The following ACP7 variants were observed in gnomAD, a reference collection of about 807,000 sequenced individuals.
The protein encoded by ACP7 is acid phosphatase type 7.
Under a neutral mutation model 60.6 loss-of-function variants are expected in ACP7, and 58 were observed. That is an observed-to-expected ratio of 0.96 (90% CI 0.77 to 1.19). The LOEUF (loss-of-function observed/expected upper bound fraction) is 1.19, where lower values mean the gene tolerates loss of function less well. Among genes scored for constraint, ACP7 ranks in the 50% most tolerant of loss-of-function variants. The pLI, the probability that ACP7 is intolerant of heterozygous loss-of-function variation, is 0.00. For missense variants in ACP7, 574 were observed against 596.2 expected (o/e 0.96, Z 0.39); for synonymous variants, 237 against 232.6 (o/e 1.02, Z -0.17).
chr19:39,092,322 C>T (rs989207704), intron 2 of ACP7, among the ~76,000 whole-genome samples: 6 of 151,624 alleles, frequency 4.0e-5, no homozygotes, highest in Non-Finnish European at 8.8e-5. Context: ...TGCAGTGAGC[C>T]GAAATTGTGC....
At chr19:39,099,476 G>A (rs1246126323) in intron 4 of ACP7, among the ~76,000 whole-genome samples, 2 of 152,190 alleles carry the variant, frequency 1.3e-5, no homozygotes, top group Non-Finnish European at 2.9e-5. Flanking sequence ...CTCGCAGGGT[G>A]CAGGTGCACT....
At chr19:39,085,998 G>A (rs916570537) in intron 2 of ACP7, among the ~76,000 whole-genome samples, 3 of 152,118 alleles carry the variant, frequency 2.0e-5, no homozygotes, top group Non-Finnish European at 2.9e-5. Context: ...ACAACCTCAT[G>A]GTGAGGTGTA....
rs1472871556 is a variant in ACP7, at chr19:39,085,389, A to C, written c.120A>C (p.Pro40=). 6.2e-7 allele frequency: 1 copy of C among 1,606,714 alleles called. No individual in the cohort carries two copies. Among genetic ancestry groups the C allele is most frequent in the Admixed American group, 1.7e-5 (1 of 58,790 alleles). The change falls in exon 2 of 13, where the codon CCA becomes CCC. Residue 40 remains proline, a splice_region_variant and synonymous_variant. Transcript: ENST00000331256. ...CAGAGCAAGTCCATCTGTCTTACCC[A>C]GGTAAGTGTCCCTGACTCATTTCTA... ...AAPEQVHLSY[P]GEPGSMTVTW...
intron 2 of ACP7, among the ~76,000 whole-genome samples, chr19:39,095,668 G>A (rs548689241): frequency 6.6e-6 from 1 of 152,252 alleles, no homozygotes; most frequent in Non-Finnish European, 1.5e-5. Context: ...TGGTAACCCA[G>A]TAGGGACTCT....
chr19:39,106,377 G>A (rs1456662492), intron 11 of ACP7, among the ~76,000 whole-genome samples: 1 of 152,154 alleles, frequency 6.6e-6, no homozygotes, highest in Non-Finnish European at 1.5e-5. Flanking sequence ...TGGGCGTTGG[G>A]ATGGCTTCCA....
At chr19:39,099,172 A>C (rs2073310100) in intron 4 of ACP7, 30 bp downstream of exon 4, 29 of 1,474,544 alleles carry the variant, frequency 2.0e-5, no homozygotes, top group Non-Finnish European at 2.5e-5. Flanking sequence ...GCGCGCAGGG[A>C]CGGTGGGGGG....
At chr19:39,094,406 G>A (rs1439744405) in intron 2 of ACP7, among the ~76,000 whole-genome samples, 5 of 151,908 alleles carry the variant, frequency 3.3e-5, no homozygotes, top group Admixed American at 1.3e-4. Context: ...AGGAGGCTGA[G>A]GCAGGAGAAT....
intron 3 of ACP7, 33 bp downstream of exon 3, chr19:39,098,691 G>A (rs747826696): frequency 1.3e-6 from 2 of 1,581,790 alleles, no homozygotes; most frequent in Admixed American, 1.8e-5. Context: ...CTGTTGAGGA[G>A]GAGTGGGAAG....
At chr19:39,091,926 T>A (rs1164426052) in intron 2 of ACP7, among the ~76,000 whole-genome samples, 3 of 151,362 alleles carry the variant, frequency 2.0e-5, no homozygotes, top group Non-Finnish European at 2.9e-5. Flanking sequence ...AATAAAAAAA[T>A]AAAAAAATTG....
At chr19:39,095,827 A>G (rs2073259078) in intron 2 of ACP7, among the ~76,000 whole-genome samples, 1 of 152,156 alleles carries the variant, frequency 6.6e-6, no homozygotes. Flanking sequence ...CCAATTCTTG[A>G]CTTCTGCGCA....
chr19:39,100,811 C>T lies in ACP7; in HGVS notation c.765C>T (p.His255=), dbSNP rs143559363. 1.2e-4 allele frequency: 187 copies of T among 1,613,920 alleles called. No homozygotes were observed. The highest frequency in any genetic ancestry group is 1.6e-4 in the Middle Eastern group (1 of 6,084). ...ATTTCTTTCTCCATTATGGCCGCCA[C>T]TTGGTACAGAGGCAGTTTCGCTGGC... The part of the protein sequence containing the change: ...EVYFFLHYGR[H]LVQRQFRWLE... Residue 255 remains histidine, a synonymous_variant, in exon 7 of 13, where the codon CAC becomes CAT. Transcript: ENST00000331256.
intron 12 of ACP7, 23 bp downstream of exon 12, chr19:39,107,107 T>C: frequency 1.2e-6 from 2 of 1,612,548 alleles, no homozygotes; most frequent in African/African-American, 2.7e-5. Flanking sequence ...CAGGCCGAAG[T>C]CACCTGACTG....
chr19:39,099,185 C>T (rs2073310592), intron 4 of ACP7, 43 bp downstream of exon 4: 1 of 1,457,626 alleles, frequency 6.9e-7, no homozygotes, highest in East Asian at 2.6e-5. Flanking sequence ...GTGGGGGGCG[C>T]GCGCAGGGAT....
chr19:39,091,829 T>C (rs1166326911), intron 2 of ACP7, among the ~76,000 whole-genome samples: 1 of 151,974 alleles, frequency 6.6e-6, no homozygotes, highest in African/African-American at 2.4e-5. Flanking sequence ...GAGAATCACT[T>C]GAACCTGGGA....
chr19:39,086,374 A>C (rs2073141230), intron 2 of ACP7, among the ~76,000 whole-genome samples: 1 of 152,144 alleles, frequency 6.6e-6, no homozygotes, highest in Non-Finnish European at 1.5e-5. Flanking sequence ...GCATGCCTGT[A>C]ATCTCAGCAA....
At chr19:39,090,645 G>A (rs929394819) in intron 2 of ACP7, among the ~76,000 whole-genome samples, 2 of 150,428 alleles carry the variant, frequency 1.3e-5, no homozygotes, top group Non-Finnish European at 3.0e-5. Flanking sequence ...CACTATGCCT[G>A]GCAATTTTTG....
chr19:39,107,928 G>A (rs1484165507), intron 12 of ACP7, among the ~76,000 whole-genome samples: 2 of 151,634 alleles, frequency 1.3e-5, no homozygotes, highest in African/African-American at 4.8e-5. Context: ...GCAGATGTCT[G>A]TAGTCCCAGC....
intron 2 of ACP7, among the ~76,000 whole-genome samples, chr19:39,090,202 T>A (rs1487869410): frequency 6.6e-6 from 1 of 152,150 alleles, no homozygotes; most frequent in Non-Finnish European, 1.5e-5. Flanking sequence ...GGAGTCTTGC[T>A]CTGTTGCCCA....
At chr19:39,096,959 G>A (rs997818555) in intron 2 of ACP7, among the ~76,000 whole-genome samples, 8 of 152,106 alleles carry the variant, frequency 5.3e-5, no homozygotes, top group Non-Finnish European at 1.0e-4. Flanking sequence ...ATGCCACCAC[G>A]CCCAGCTAAT....
Sources: gnomAD v4.1 joint callset for allele counts (sites outside exome capture counted in the v4.1 genomes callset) on GRCh38, gnomAD v4.1.1 for gene constraint, MANE v1.5 for transcripts, NCBI Gene and HGNC (gene_info 2026-07-23, HGNC 2026-07-21) for gene names.